The following GTPBP10 variants were observed in gnomAD, a reference collection of about 807,000 sequenced individuals.
GTPBP10 encodes GTP-binding protein 10.
In GTPBP10, 38 loss-of-function variants were observed where a neutral mutation model predicts 44.8. The observed-to-expected ratio is 0.85, with a 90% CI of 0.65 to 1.11. The LOEUF is 1.11. Ranked by LOEUF, GTPBP10 falls within the 50% of genes most tolerant of loss-of-function variation. GTPBP10 has a pLI of 0.00. For synonymous variants in GTPBP10, 152 were observed against 150.6 expected (o/e 1.01, Z -0.07); for missense variants, 462 against 453.7 (o/e 1.02, Z -0.17).
chr7:90,361,514 G>A (rs1424904347), intron 4 of GTPBP10, among the ~76,000 whole-genome samples: 2 of 152,192 alleles, frequency 1.3e-5, no homozygotes, highest in East Asian at 3.8e-4. Flanking sequence ...GCTTTTTGAT[G>A]TGCTGCTGGA....
chr7:90,353,045 T>A, intron 2 of GTPBP10, 36 bp downstream of exon 2: 3 of 1,404,564 alleles, frequency 2.1e-6, no homozygotes, highest in East Asian at 2.4e-5. Context: ...TTTTAGAAAA[T>A]CAAACCCTTC....
At chr7:90,379,247 T>C (rs1219387160) in intron 8 of GTPBP10, among the ~76,000 whole-genome samples, 1 of 152,192 alleles carries the variant, frequency 6.6e-6, no homozygotes, top group Admixed American at 6.5e-5. Context: ...GTTATAATCA[T>C]CAGCCCTTCT....
At position 90,385,116 on chromosome 7, in the gene GTPBP10, A is replaced by G. The variant is rs749081567; in HGVS notation, c.1126A>G (p.Lys376Glu). ...DTMSSTEPPS[K>E]HAVTTSKMDI... ...AATGTCTTCTACTGAGCCACCATCA[A>G]AGCATGCTGTTACTACTTCCAAAAT... Residue 376 changes from lysine (K) to glutamate (E), a missense_variant, in exon 10 of 10, where the codon AAG becomes GAG. Transcript: ENST00000222511. 4 of 1,611,014 alleles carry G rather than the reference A, an allele frequency of 2.5e-6. No individual in the cohort carries two copies. The highest frequency in any genetic ancestry group is 2.5e-6 in the Non-Finnish European group (3 of 1,177,824).
intron 4 of GTPBP10, among the ~76,000 whole-genome samples, chr7:90,371,709 G>T (rs1488733973): frequency 6.6e-6 from 1 of 152,130 alleles, no homozygotes; most frequent in East Asian, 1.9e-4. Flanking sequence ...ATTAATATTT[G>T]TTGAAGCTAG....
intron 4 of GTPBP10, among the ~76,000 whole-genome samples, chr7:90,370,849 C>CA (rs201542806): frequency 0.015 from 2,347 of 151,532 alleles, 60 homozygotes; most frequent in African/African-American, 0.052. Context: ...ACTGAAAATA[C>CA]AAAAAAAATT....
intron 4 of GTPBP10, among the ~76,000 whole-genome samples, chr7:90,358,114 A>G (rs1427098388): frequency 6.6e-6 from 1 of 152,208 alleles, no homozygotes; most frequent in Non-Finnish European, 1.5e-5. Flanking sequence ...GTATACACAA[A>G]TCAATAGCAC....
intron 8 of GTPBP10, among the ~76,000 whole-genome samples, chr7:90,379,173 C>T: frequency 6.6e-6 from 1 of 152,206 alleles, no homozygotes; most frequent in Non-Finnish European, 1.5e-5. Context: ...ACCACCTACA[C>T]AAGCCCTGTC....
chr7:90,384,185 T>C (rs1472812882), intron 9 of GTPBP10, among the ~76,000 whole-genome samples: 1 of 152,174 alleles, frequency 6.6e-6, no homozygotes, highest in Non-Finnish European at 1.5e-5. Flanking sequence ...CTCTGGACTT[T>C]CTTCGGGGCT....
rs2115809829 is a variant in GTPBP10 at position 90,389,213 on chromosome 7, T to TCATATC, written c.*4060_*4065dup. ...TCGAGTACATGGTCTGTGCTAGTAA[T>TCATATC]CATATCTAAAGTGGTAATGTTACCA... On this transcript the variant is annotated 3_prime_UTR_variant, in exon 10 of 10. Transcript: ENST00000222511. 1 of 152,290 alleles carries TCATATC rather than the reference T, an allele frequency of 6.6e-6. No individual in the cohort carries two copies. Among genetic ancestry groups the TCATATC allele is most frequent in the African/African-American group, 2.4e-5 (1 of 41,556 alleles). 9.4% of individuals were successfully genotyped at this position (152,290 alleles called of 1,614,324 possible). A position where few individuals can be genotyped will look rare whatever the true frequency, so the allele number is the denominator to read the frequency against.
At chr7:90,365,380 T>TTTTTTC (rs1796112492) in intron 4 of GTPBP10, among the ~76,000 whole-genome samples, 2 of 108,244 alleles carry the variant, frequency 1.8e-5, no homozygotes, top group Non-Finnish European at 4.4e-5. Flanking sequence ...TTTTTTTTTT[T>TTTTTTC]TTTTTTTTTT....
chr7:90,349,892 T>C (rs1486635523), intron 1 of GTPBP10, among the ~76,000 whole-genome samples: 1 of 152,192 alleles, frequency 6.6e-6, no homozygotes, highest in Non-Finnish European at 1.5e-5. Context: ...TCTTGATATT[T>C]CTAAAGCCAA....
At chr7:90,377,474 T>A in intron 6 of GTPBP10, 33 bp from the exon 7 acceptor site, 1 of 1,439,398 alleles carries the variant, frequency 6.9e-7, no homozygotes, top group Non-Finnish European at 9.6e-7. Context: ...TCATACATTT[T>A]CCTTTTTCAT....
chr7:90,371,219 C>T (rs1291281236), intron 4 of GTPBP10: 2 of 965,208 alleles, frequency 2.1e-6, no homozygotes, highest in Admixed American at 6.2e-5. Context: ...CAGTGTCTGT[C>T]TACCTGTATA....
Position 90,390,639 on chromosome 7 carries a change from G to A in GTPBP10, c.*5485G>A, listed in dbSNP as rs1255908796. On this transcript the variant is annotated 3_prime_UTR_variant, in exon 10 of 10. Transcript: ENST00000222511. ...ATAATTAATTTGCGAGCAATATATG[G>A]CATGATAGTATTTTCTTATCTAAAT... The A allele has an allele frequency of 6.6e-6, 1 of 152,124 alleles. No individual in the cohort carries two copies. Among genetic ancestry groups the A allele is most frequent in the Non-Finnish European group, 1.5e-5 (1 of 68,008 alleles). The allele number at this position is 152,124 out of a possible 1,614,324, so 9.4% of individuals were successfully genotyped here. A position where few individuals can be genotyped will look rare whatever the true frequency, so the allele number is the denominator to read the frequency against.
chr7:90,362,294 A>C (rs1035375955), intron 4 of GTPBP10, among the ~76,000 whole-genome samples: 5 of 151,660 alleles, frequency 3.3e-5, no homozygotes, highest in African/African-American at 7.3e-5. Context: ...CCCTCTACAC[A>C]CTGCTTGAAA....
rs1486678277 is a variant in GTPBP10 at position 90,378,133 on chromosome 7, G to C, written c.700-1G>C. 1.2e-6 allele frequency: 2 copies of C among 1,609,100 alleles called. No individual in the cohort carries two copies. Among genetic ancestry groups the C allele is most frequent in the Non-Finnish European group, 8.5e-7 (1 of 1,176,826 alleles). ...TGTCTCTTTCCTTCTCTTTTTTTTA[G>C]GTTGATATTTCTGGATTTCAGCTTT... On this transcript the variant is annotated splice_acceptor_variant, in intron 7 of 9. Coordinates refer to ENST00000222511, the MANE Select transcript of GTPBP10 (RefSeq NM_033107.4). LOFTEE classifies it high-confidence loss of function.
chr7:90,370,335 AGTGTGTGT>A (rs33997739), intron 4 of GTPBP10, among the ~76,000 whole-genome samples: 2 of 149,330 alleles, frequency 1.3e-5, no homozygotes, highest in African/African-American at 2.5e-5. Flanking sequence ...AAGAAAATTG[AGTGTGTGT>A]GTGTGTGTGT....
At chr7:90,379,066 C>T (rs11563893) in intron 8 of GTPBP10, among the ~76,000 whole-genome samples, 36,609 of 151,988 alleles carry the variant, frequency 0.24, 4,659 homozygotes, top group African/African-American at 0.32. Flanking sequence ...CCATTAGTCA[C>T]TTAAACTTAA....
chr7:90,378,223 G>A lies in GTPBP10; in HGVS notation c.777+12G>A, dbSNP rs762878736. On this transcript the variant is annotated intron_variant, in intron 8 of 9. Coordinates refer to ENST00000222511, the MANE Select transcript of GTPBP10 (RefSeq NM_033107.4). ...TACTGCTTACAAAAGTAGGTTTTCT[G>A]TTTTACTGTGTTCTGTATTTGGTCT... The A allele has an allele frequency of 1.2e-5, 19 of 1,604,080 alleles. No homozygotes were observed. The highest frequency in any genetic ancestry group is 1.5e-5 in the Non-Finnish European group (18 of 1,172,570).
Sources: allele counts gnomAD v4.1 joint callset (sites outside exome capture counted in the v4.1 genomes callset), GRCh38; gene constraint gnomAD v4.1.1; transcripts MANE v1.5; gene names NCBI Gene and HGNC (gene_info 2026-07-23, HGNC 2026-07-21).